Variants in MSR1 observed in about 807,000 individuals in gnomAD.
MSR1 encodes the protein macrophage scavenger receptor types I and II.
Under a neutral mutation model 47.2 loss-of-function variants are expected in MSR1, and 53 were observed. That is an observed-to-expected ratio of 1.12 (90% CI 0.90 to 1.41). The LOEUF is 1.41. Among genes scored for constraint, MSR1 ranks in the 40% most tolerant of loss-of-function variants. MSR1 has a pLI of 0.00. For missense variants in MSR1, 786 were observed against 546.9 expected (o/e 1.44, Z -4.36); for synonymous variants, 239 against 185.6 (o/e 1.29, Z -2.34).
rs74592821 is a variant in MSR1 at position 16,123,343 on chromosome 8, C to T, written c.1034-2737G>A. ...TTGAGAGTTGGCTTCACCTACTATTCAACTGCTCTGTTTTGGTGATGTAGA... is the reference window on the plus strand; with the variant it reads ...TTGAGAGTTGGCTTCACCTACTATTTAACTGCTCTGTTTTGGTGATGTAGA... On this transcript the variant is annotated intron_variant, in intron 8 of 9. Transcript: ENST00000262101. Among the ~76,000 whole-genome samples, 1,552 of 152,224 alleles carry T rather than the reference C, an allele frequency of 0.01. 77 individuals are homozygous for T. The East Asian group carries it at 0.1, about 10-fold the overall frequency.
chr8:16,114,757 G>C (rs1486507586), intron 9 of MSR1, among the ~76,000 whole-genome samples: 1 of 152,092 alleles, frequency 6.6e-6, no homozygotes, highest in Non-Finnish European at 1.5e-5. Context: ...AAAACTAATT[G>C]TTCTTAAAAC....
chr8:16,190,893 G>A (rs1802181748), intron 1 of MSR1, among the ~76,000 whole-genome samples: 1 of 151,802 alleles, frequency 6.6e-6, no homozygotes, highest in South Asian at 2.1e-4. Flanking sequence ...GGCTAATTTT[G>A]TATTTTCAGT....
chr8:16,169,593 C>T (rs754748130), intron 3 of MSR1, among the ~76,000 whole-genome samples: 2 of 152,064 alleles, frequency 1.3e-5, no homozygotes, highest in African/African-American at 4.8e-5. Context: ...ATCTCACCAT[C>T]CTAGCTTAAA....
Position 16,148,867 on chromosome 8 carries a change from C to T in MSR1, c.979+1364G>A, listed in dbSNP as rs74816779. 3.6e-3 allele frequency among the ~76,000 whole-genome samples: 550 copies of T among 152,228 alleles called. 1 individual carries two copies. Among genetic ancestry groups the T allele is most frequent in the Middle Eastern group, 0.014 (4 of 294 alleles). On this transcript the variant is annotated intron_variant, in intron 7 of 9. Coordinates refer to ENST00000262101, the MANE Select transcript of MSR1 (RefSeq NM_138715.3). ...TGAGTAATAAAAAGAAATGAGCAAT[C>T]AGACCATGGAAAGATATAGAGAAAC...
chr8:16,120,350 C>A, intron 9 of MSR1, 68 bp downstream of exon 9: 1 of 1,558,922 alleles, frequency 6.4e-7, no homozygotes, highest in Non-Finnish European at 8.8e-7. Context: ...GCACTCCAGT[C>A]TGGGCGACAG....
intron 1 of MSR1, among the ~76,000 whole-genome samples, chr8:16,190,647 T>G (rs1458359582): frequency 1.3e-5 from 2 of 152,144 alleles, no homozygotes; most frequent in South Asian, 4.1e-4. Flanking sequence ...ATCTGTCTTT[T>G]CATACTTGAC....
chr8:16,117,051 G>A (rs1026438689), intron 9 of MSR1, among the ~76,000 whole-genome samples: 2 of 152,058 alleles, frequency 1.3e-5, no homozygotes, highest in African/African-American at 4.8e-5. Flanking sequence ...CTTAAAGCAG[G>A]GGTCCCCAGC....
intron 8 of MSR1, among the ~76,000 whole-genome samples, chr8:16,124,622 C>A (rs1395836761): frequency 6.6e-6 from 1 of 152,130 alleles, no homozygotes; most frequent in African/African-American, 2.4e-5. Context: ...TCCCACTTCC[C>A]CTCTCATTTC....
At chr8:16,168,937 A>C (rs979139816) in intron 3 of MSR1, 67 bp from the exon 4 acceptor site, 2 of 1,424,250 alleles carry the variant, frequency 1.4e-6, no homozygotes, top group Non-Finnish European at 2.0e-6. Context: ...ATCCCATCCC[A>C]TATCATTCCA....
chr8:16,118,765 C>A (rs970971774), intron 9 of MSR1, among the ~76,000 whole-genome samples: 1 of 152,084 alleles, frequency 6.6e-6, no homozygotes, highest in African/African-American at 2.4e-5. Flanking sequence ...TAACTGATGG[C>A]ATCATTCAAT....
At chr8:16,117,489 C>A (rs1030991187) in intron 9 of MSR1, among the ~76,000 whole-genome samples, 1 of 152,126 alleles carries the variant, frequency 6.6e-6, no homozygotes, top group African/African-American at 2.4e-5. Context: ...TGATGGCAGG[C>A]TTTAGAGTCG....
rs1439631333 is a variant in MSR1, at chr8:16,120,704, A to C, written c.1034-98T>G. On this transcript the variant is annotated intron_variant, in intron 8 of 9. Transcript: ENST00000262101. ...GCACTTTTTTTTTAAACACAAAAAAATGTTTAGCACATTTTCCAAATAACT... is the reference window on the plus strand; with the variant it reads ...GCACTTTTTTTTTAAACACAAAAAACTGTTTAGCACATTTTCCAAATAACT... 2.9e-6 allele frequency: 4 copies of C among 1,375,300 alleles called. No individual in the cohort carries two copies. The East Asian group carries it at 1.0e-4, about 34-fold the overall frequency. The allele number at this position is 1,375,300 out of a possible 1,614,324, so 85.2% of individuals were successfully genotyped here. A position where few individuals can be genotyped will look rare whatever the true frequency, so the allele number is the denominator to read the frequency against.
At chr8:16,113,963 C>T (rs1799820442) in intron 9 of MSR1, among the ~76,000 whole-genome samples, 1 of 143,246 alleles carries the variant, frequency 7.0e-6, no homozygotes, top group Non-Finnish European at 1.5e-5. Flanking sequence ...CCTCTGCTAG[C>T]CCTACTTATT....
intron 8 of MSR1, among the ~76,000 whole-genome samples, chr8:16,138,172 A>C (rs1800437936): frequency 6.6e-6 from 1 of 152,170 alleles, no homozygotes. Context: ...GGATACTCAA[A>C]ATTCACATCC....
At chr8:16,138,412 C>T (rs1800444222) in intron 8 of MSR1, among the ~76,000 whole-genome samples, 1 of 152,142 alleles carries the variant, frequency 6.6e-6, no homozygotes, top group African/African-American at 2.4e-5. Context: ...CTTCATTATG[C>T]ATTTTTAAAG....
intron 1 of MSR1, among the ~76,000 whole-genome samples, chr8:16,184,230 C>T (rs1308840816): frequency 6.6e-6 from 1 of 151,906 alleles, no homozygotes; most frequent in Non-Finnish European, 1.5e-5. Context: ...ACTTTCTTTT[C>T]ACATAACCTT....
At chr8:16,124,002 T>C (rs1328254050) in intron 8 of MSR1, among the ~76,000 whole-genome samples, 1 of 152,198 alleles carries the variant, frequency 6.6e-6, no homozygotes, top group East Asian at 1.9e-4. Flanking sequence ...GTTTATATTT[T>C]ACAGTTTCTT....
Position 16,168,850 on chromosome 8 carries a change from T to C in MSR1, c.238A>G (p.Thr80Ala). The C allele has an allele frequency of 6.2e-7, 1 of 1,613,468 alleles. No homozygotes were observed. Among genetic ancestry groups the C allele is most frequent in the South Asian group, 1.1e-5 (1 of 91,074 alleles). ...GTTGAACTAACTGAGCAATTCTTCG[T>C]TTCCCACTTCAGGAGTTGAGCTGTA... is the stretch of plus-strand genomic sequence containing the variant. ...IVAAQLLKWETKNCSVSSTNA... is the reference protein window; with the variant it reads ...IVAAQLLKWEAKNCSVSSTNA... The change falls in exon 4 of 10, where the codon ACG (threonine) becomes GCG (alanine). Residue 80 changes from threonine (T) to alanine (A), a missense_variant. Transcript: ENST00000262101.
chr8:16,153,698 C>A (rs1202549565), intron 6 of MSR1, among the ~76,000 whole-genome samples: 1 of 151,932 alleles, frequency 6.6e-6, no homozygotes, highest in Non-Finnish European at 1.5e-5. Flanking sequence ...CAAGATGAAG[C>A]ACTGTATGGC....
Sources: allele counts gnomAD v4.1 joint callset (sites outside exome capture counted in the v4.1 genomes callset), GRCh38; gene constraint gnomAD v4.1.1; transcripts MANE v1.5; gene names NCBI Gene and HGNC (gene_info 2026-07-23, HGNC 2026-07-21).